ZNF730: variants seen among roughly 807,000 people sequenced by gnomAD.
ZNF730 encodes the protein putative zinc finger protein 730.
In ZNF730, 12 loss-of-function variants were observed where a neutral mutation model predicts 12.6. The ratio of observed to expected loss-of-function variants is 0.95; its 90% confidence interval spans 0.61 to 1.54. The LOEUF is 1.54. Among genes scored for constraint, ZNF730 ranks in the 40% most tolerant of loss-of-function variants. ZNF730 has a pLI of 0.00. For synonymous variants in ZNF730, 194 were observed against 195.8 expected (o/e 0.99, Z 0.08); for missense variants, 643 against 583.5 (o/e 1.10, Z -1.05).
intron 1 of ZNF730, among the ~76,000 whole-genome samples, chr19:23,079,371 T>C (rs577159351): frequency 6.4e-4 from 97 of 152,232 alleles, no homozygotes; most frequent in Middle Eastern, 3.4e-3. Flanking sequence ...TTGGTCAGGC[T>C]GGTCTCCAAC....
intron 1 of ZNF730, among the ~76,000 whole-genome samples, chr19:23,091,373 T>C (rs1970157423): frequency 6.6e-6 from 1 of 152,086 alleles, no homozygotes; most frequent in African/African-American, 2.4e-5. Flanking sequence ...CCCCACACAG[T>C]CCCTACTGGG....
intron 1 of ZNF730, among the ~76,000 whole-genome samples, chr19:23,086,431 T>C (rs1251490088): frequency 6.6e-6 from 1 of 152,252 alleles, no homozygotes; most frequent in Admixed American, 6.5e-5. Flanking sequence ...TTTTATAGTT[T>C]TGGGTTTTTC....
At chr19:23,095,753 C>A (rs1470969425) in intron 1 of ZNF730, 1 of 289,632 alleles carries the variant, frequency 3.5e-6, no homozygotes, top group Admixed American at 5.2e-5. Flanking sequence ...ACTCTCCTCT[C>A]TTACCTGGAT....
chr19:23,123,080 C>T (rs2145614956), intron 1 of ZNF730: 1 of 152,280 alleles, frequency 6.6e-6, no homozygotes, highest in African/African-American at 2.4e-5. Context: ...GACAAATAAA[C>T]ATAATGGGCT....
chr19:23,090,649 T>C (rs149624330), intron 1 of ZNF730, among the ~76,000 whole-genome samples: 67 of 152,152 alleles, frequency 4.4e-4, no homozygotes, highest in African/African-American at 1.6e-3. Flanking sequence ...CTCTAGGCCA[T>C]GTCAGAGATT....
Position 23,082,997 on chromosome 19 carries a change from C to G in ZNF730, c.-94+7610C>G, listed in dbSNP as rs1050107395. On this transcript the variant is annotated intron_variant, in intron 1 of 2. Transcript: ENST00000593635. The stretch of plus-strand genomic sequence containing the variant: ...TACAGGTGTGAGCCACCGGACCCGG[C>G]CTTTTTTCTTTATTCATTTATCTGT... Among the ~76,000 whole-genome samples, 14 of 152,264 alleles carry G rather than the reference C, an allele frequency of 9.2e-5. 1 individual carries two copies. The highest frequency in any genetic ancestry group is 5.2e-4 in the Admixed American group (8 of 15,280).
chr19:23,097,595 A>G (rs1318680192), intron 1 of ZNF730, among the ~76,000 whole-genome samples: 1 of 152,228 alleles, frequency 6.6e-6, no homozygotes, highest in East Asian at 1.9e-4. Flanking sequence ...GCATTGTGAC[A>G]TGTCTTGGCC....
At chr19:23,137,566 A>T (rs1970852410) in intron 3 of ZNF730, among the ~76,000 whole-genome samples, 1 of 152,214 alleles carries the variant, frequency 6.6e-6, no homozygotes, top group African/African-American at 2.4e-5. Flanking sequence ...GACTTTAAAA[A>T]TTTATTTTGA....
chr19:23,127,324 C>A, intron 1 of ZNF730: 1 of 688,204 alleles, frequency 1.5e-6, no homozygotes, highest in South Asian at 1.6e-5. Flanking sequence ...AATATTTTCT[C>A]AAAATAGGAT....
chr19:23,118,534 TCA>T (rs1471707048), intron 1 of ZNF730, among the ~76,000 whole-genome samples: 1 of 152,162 alleles, frequency 6.6e-6, no homozygotes, highest in Non-Finnish European at 1.5e-5. Context: ...TCATTTTCTC[TCA>T]CAGGACAACA....
At chr19:23,127,679 G>A in intron 1 of ZNF730, 1 of 1,235,370 alleles carries the variant, frequency 8.1e-7, no homozygotes, top group Non-Finnish European at 1.2e-6. Flanking sequence ...CTCACTAAGA[G>A]CATCAGAAAT....
chr19:23,090,968 C>T (rs1970149329), intron 1 of ZNF730, among the ~76,000 whole-genome samples: 1 of 151,792 alleles, frequency 6.6e-6, no homozygotes, highest in Non-Finnish European at 1.5e-5. Flanking sequence ...CCATTGCACT[C>T]CATCCTGGGT....
intron 1 of ZNF730, among the ~76,000 whole-genome samples, chr19:23,126,140 A>G (rs1471886388): frequency 6.6e-6 from 1 of 152,224 alleles, no homozygotes; most frequent in Admixed American, 6.5e-5. Context: ...TTTTAAAACA[A>G]AATTTTAAAA....
At chr19:23,108,744 T>TG (rs1044852668) in intron 1 of ZNF730, among the ~76,000 whole-genome samples, 20 of 152,106 alleles carry the variant, frequency 1.3e-4, no homozygotes, top group African/African-American at 4.6e-4. Flanking sequence ...TGTCTTTTTT[T>TG]TTTGTTTGTT....
intron 1 of ZNF730, among the ~76,000 whole-genome samples, chr19:23,079,175 A>C (rs1969920675): frequency 6.6e-6 from 1 of 151,608 alleles, no homozygotes; most frequent in Admixed American, 6.6e-5. Flanking sequence ...GGTTTTCAAT[A>C]AGGCAGAGTT....
intron 1 of ZNF730, among the ~76,000 whole-genome samples, chr19:23,093,162 T>C (rs976552670): frequency 2.0e-5 from 3 of 152,046 alleles, no homozygotes; most frequent in Non-Finnish European, 4.4e-5. Context: ...TTTTAGTAGA[T>C]ACAGGACTTC....
At chr19:23,095,141 G>C in intron 1 of ZNF730, 1 of 376,334 alleles carries the variant, frequency 2.7e-6, no homozygotes, top group Non-Finnish European at 4.7e-6. Context: ...CATATCACTG[G>C]ACCCAGCACT....
chr19:23,106,315 G>C (rs1970392327), intron 1 of ZNF730, among the ~76,000 whole-genome samples: 1 of 151,996 alleles, frequency 6.6e-6, no homozygotes, highest in Non-Finnish European at 1.5e-5. Context: ...TCTGAAGATG[G>C]GTATGTGACT....
At chr19:23,123,055 A>G (rs1970619269) in intron 1 of ZNF730, 8 of 152,184 alleles carry the variant, frequency 5.3e-5, no homozygotes, top group Admixed American at 5.2e-4. Flanking sequence ...CTGAATTTGA[A>G]TGCTGCTTTT....
Sources: allele counts gnomAD v4.1 joint callset (sites outside exome capture counted in the v4.1 genomes callset), GRCh38; gene constraint gnomAD v4.1.1; transcripts MANE v1.5; gene names NCBI Gene and HGNC (gene_info 2026-07-23, HGNC 2026-07-21).